The following CHRM5 variants were observed in gnomAD, a reference collection of about 807,000 sequenced individuals.
CHRM5 encodes the protein muscarinic acetylcholine receptor M5.
A neutral mutation model predicts 39.0 loss-of-function variants in CHRM5; 18 were observed. The observed-to-expected ratio is 0.46, with a 90% CI of 0.32 to 0.68. CHRM5 has a LOEUF of 0.68. Among genes scored for constraint, CHRM5 ranks in the 30% least tolerant of loss-of-function variants. CHRM5 has a pLI of 0.04. For missense variants in CHRM5, 515 were observed against 651.1 expected (o/e 0.79, Z 2.28); for synonymous variants, 241 against 246.3 (o/e 0.98, Z 0.20).
At chr15:33,983,158 G>GTA (rs775545239) in intron 1 of CHRM5, among the ~76,000 whole-genome samples, 16,107 of 136,046 alleles carry the variant, frequency 0.12, 1,546 homozygotes, top group East Asian at 0.25. Context: ...GTGTGTGTGT[G>GTA]TATGTGTGTG....
At chr15:34,042,431 G>A (rs545757992) in intron 1 of CHRM5, among the ~76,000 whole-genome samples, 2 of 131,766 alleles carry the variant, frequency 1.5e-5, no homozygotes, top group South Asian at 2.3e-4. Flanking sequence ...ACGGAGTTTC[G>A]CACTTGTTGC....
chr15:34,045,390 A>C (rs1899647493), intron 1 of CHRM5, among the ~76,000 whole-genome samples: 1 of 152,194 alleles, frequency 6.6e-6, no homozygotes, highest in South Asian at 2.1e-4. Flanking sequence ...AGTTAGATAT[A>C]TCTTACTTTA....
At chr15:33,982,385 A>C (rs1173484608) in intron 1 of CHRM5, among the ~76,000 whole-genome samples, 1 of 152,162 alleles carries the variant, frequency 6.6e-6, no homozygotes, top group African/African-American at 2.4e-5. Context: ...AGAATTACCA[A>C]ATGCTATGCT....
At chr15:34,000,729 A>G (rs1897106331) in intron 1 of CHRM5, among the ~76,000 whole-genome samples, 1 of 152,214 alleles carries the variant, frequency 6.6e-6, no homozygotes. Context: ...TGAAGAAAGC[A>G]TGGAAGCTCT....
Position 34,064,288 on chromosome 15 carries a change from A to G in CHRM5, c.1571A>G (p.Tyr524Cys). ...WKKKKVEEKL[Y>C]WQGNSKLP ...AAGAAAAAAGTGGAAGAGAAGTTGT[A>G]CTGGCAGGGGAACAGCAAGCTACCC... The change falls in exon 3 of 3, where the codon TAC becomes TGC. Residue 524 changes from tyrosine (Y) to cysteine (C), a missense_variant. Tyr to Cys is a radical substitution (Grantham distance 194, BLOSUM62 -2). Transcript: ENST00000383263. 1 of 1,613,926 alleles carries G rather than the reference A, an allele frequency of 6.2e-7. No individual in the cohort carries two copies. Among genetic ancestry groups the G allele is most frequent in the Non-Finnish European group, 8.5e-7 (1 of 1,179,886 alleles).
chr15:33,982,798 TTCTCTC>T (rs58340239), intron 1 of CHRM5, among the ~76,000 whole-genome samples: 4 of 150,460 alleles, frequency 2.7e-5, no homozygotes, highest in African/African-American at 7.3e-5. Context: ...ATCAACCACA[TTCTCTC>T]TCTCTCTCTG....
intron 1 of CHRM5, among the ~76,000 whole-genome samples, chr15:34,041,667 G>GT (rs752344845): frequency 6.6e-6 from 1 of 152,096 alleles, no homozygotes; most frequent in Non-Finnish European, 1.5e-5. Context: ...ATGATGCCAA[G>GT]TTTTTTTAAC....
chr15:33,974,913 A>T (rs1434539920), intron 1 of CHRM5, among the ~76,000 whole-genome samples: 2 of 152,198 alleles, frequency 1.3e-5, no homozygotes, highest in Non-Finnish European at 2.9e-5. Context: ...TGGAGCTTGC[A>T]GTGAGCCAAG....
At chr15:34,029,296 G>C (rs1567477091) in intron 1 of CHRM5, among the ~76,000 whole-genome samples, 1 of 152,032 alleles carries the variant, frequency 6.6e-6, no homozygotes. Context: ...TTCTTTCCAA[G>C]GTATGTAAAA....
chr15:33,973,405 C>T (rs1194210813), intron 1 of CHRM5, among the ~76,000 whole-genome samples: 1 of 152,122 alleles, frequency 6.6e-6, no homozygotes, highest in Non-Finnish European at 1.5e-5. Flanking sequence ...AACTGTATAC[C>T]TTCCCTTCAT....
intron 1 of CHRM5, among the ~76,000 whole-genome samples, chr15:34,027,825 C>CAAAA (rs539182561): frequency 3.6e-4 from 22 of 61,230 alleles, no homozygotes; most frequent in African/African-American, 6.7e-4. Context: ...AGGTGAGGCT[C>CAAAA]AAAAAAAAAA....
chr15:34,062,635 T>C lies in CHRM5; in HGVS notation c.-75-8T>C. On this transcript the variant is annotated splice_region_variant and splice_polypyrimidine_tract_variant and intron_variant, in intron 2 of 2. Coordinates refer to ENST00000383263, the MANE Select transcript of CHRM5 (RefSeq NM_012125.4). ...TGTGCGAAGCTAATGTGTTTCCCTC[T>C]CTTCCAGATGCTGGCCAAGAAGAGC... 1.5e-6 allele frequency: 2 copies of C among 1,310,958 alleles called. No homozygotes were observed. The highest frequency in any genetic ancestry group is 2.1e-6 in the Non-Finnish European group (2 of 948,142). The allele number at this position is 1,310,958 out of a possible 1,614,324, so 81.2% of individuals were successfully genotyped here.
chr15:33,991,250 T>TAAA (rs1262073581), intron 1 of CHRM5: 1 of 152,160 alleles, frequency 6.6e-6, no homozygotes, highest in Non-Finnish European at 1.5e-5. Flanking sequence ...AACCCTGGTA[T>TAAA]AAAAATACAG....
intron 1 of CHRM5, among the ~76,000 whole-genome samples, chr15:34,009,409 T>G (rs1413734350): frequency 6.6e-6 from 1 of 152,206 alleles, no homozygotes; most frequent in Non-Finnish European, 1.5e-5. Context: ...TTTACTGATT[T>G]TAAAAGCAAT....
At chr15:34,024,482 A>G (rs1247190970) in intron 1 of CHRM5, among the ~76,000 whole-genome samples, 4 of 121,958 alleles carry the variant, frequency 3.3e-5, no homozygotes, top group Non-Finnish European at 7.2e-5. Flanking sequence ...CAAAAAAAAA[A>G]AAAAAAAAAA....
intron 1 of CHRM5, among the ~76,000 whole-genome samples, chr15:34,039,867 T>C (rs76745920): frequency 0.032 from 4,905 of 152,194 alleles, 276 homozygotes; most frequent in African/African-American, 0.11. Context: ...AATAACTAGG[T>C]AGTGGTGGAA....
In CHRM5 at chr15:34,055,429, C is replaced by T. The variant is rs1173485087; in HGVS notation, c.-75-7214C>T. Among the ~76,000 whole-genome samples, 8 of 151,718 alleles carry T rather than the reference C, an allele frequency of 5.3e-5. No individual in the cohort carries two copies. The East Asian group carries it at 5.8e-4, about 11-fold the overall frequency. On this transcript the variant is annotated intron_variant, in intron 2 of 2. Coordinates refer to ENST00000383263, the MANE Select transcript of CHRM5 (RefSeq NM_012125.4). ...CTGAGGCAGGAGAATCTCCTGGATC[C>T]GGGAGGAAGAGGTTACAGTGAGCTG...
chr15:34,053,745 A>G (rs1406819719), intron 2 of CHRM5, among the ~76,000 whole-genome samples: 1 of 152,198 alleles, frequency 6.6e-6, no homozygotes, highest in Non-Finnish European at 1.5e-5. Context: ...AAGCTAGGCA[A>G]TACCGTTCAG....
intron 2 of CHRM5, among the ~76,000 whole-genome samples, chr15:34,058,577 C>CACAT (rs975915505): frequency 5.9e-5 from 9 of 151,890 alleles, no homozygotes; most frequent in African/African-American, 2.2e-4. Context: ...CACACACACA[C>CACAT]ACACACACAC....
Sources: gnomAD v4.1 joint callset for allele counts (sites outside exome capture counted in the v4.1 genomes callset) on GRCh38, gnomAD v4.1.1 for gene constraint, MANE v1.5 for transcripts, NCBI Gene and HGNC (gene_info 2026-07-23, HGNC 2026-07-21) for gene names.